MYO16: variants seen among roughly 807,000 people sequenced by gnomAD.
The protein encoded by MYO16 is unconventional myosin-XVI.
MYO16 carries 94 observed loss-of-function variants against 205.3 expected under a neutral mutation model. The ratio of observed to expected loss-of-function variants is 0.46; its 90% CI spans 0.39 to 0.54. The LOEUF (loss-of-function observed/expected upper bound fraction) is 0.54, where lower values mean the gene tolerates loss of function less well. Ranked by LOEUF, MYO16 falls within the 20% of genes least tolerant of loss-of-function variation. MYO16 has a pLI of 0.00. For synonymous variants in MYO16, 988 were observed against 954.0 expected, an observed-to-expected ratio of 1.04 and a Z score of -0.66; for missense variants, 2,315 against 2,387.5, an observed-to-expected ratio of 0.97 and a Z score of 0.63.
chr13:109,140,656 C>T lies in MYO16; in HGVS notation c.4444C>T (p.Leu1482Phe), dbSNP rs747002654. The T allele has an allele frequency of 3.3e-6, 5 of 1,497,890 alleles. 1 individual carries two copies. The highest frequency in any genetic ancestry group is 1.3e-5 in the South Asian group (1 of 78,310). 92.8% of individuals were successfully genotyped at this position (1,497,890 alleles called of 1,614,324 possible). A position where few individuals can be genotyped will look rare whatever the true frequency, so the allele number is the denominator to read the frequency against. Reference protein sequence around the residue: ...FLLHGASPPLLHRAPEDEAAG... With the variant: ...FLLHGASPPLFHRAPEDEAAG... ...GCTCCACGGCGCATCGCCGCCCCTG[C>T]TCCACCGCGCGCCGGAGGACGAGGC... The change falls in exon 32 of 35, where the codon CTC becomes TTC. Residue 1482 changes from leucine to phenylalanine, a missense_variant. By Grantham distance (22) the Leu-to-Phe change is conservative (BLOSUM62 0). Coordinates refer to ENST00000457511, the MANE Select transcript of MYO16 (RefSeq NM_001198950.3). The surrounding 1 kb of genome is among the most constrained non-coding windows in gnomAD (Gnocchi z 8.0).
chr13:108,728,476 C>A (rs139045707), intron 4 of MYO16, among the ~76,000 whole-genome samples: 2 of 152,136 alleles, frequency 1.3e-5, no homozygotes, highest in African/African-American at 2.4e-5. Flanking sequence ...AGCACCCTTG[C>A]GGAGGTTAGG....
intron 4 of MYO16, among the ~76,000 whole-genome samples, chr13:108,740,014 G>C (rs548646191): frequency 6.6e-6 from 1 of 152,232 alleles, no homozygotes; most frequent in East Asian, 1.9e-4. Context: ...TCTGTACACT[G>C]GTTATTCTAG....
intron 15 of MYO16, among the ~76,000 whole-genome samples, chr13:108,899,193 G>A (rs1347494741): frequency 1.3e-5 from 2 of 152,156 alleles, no homozygotes; most frequent in Non-Finnish European, 2.9e-5. Context: ...GGAGGCCGAG[G>A]CGGGTGGATT....
chr13:108,714,318 G>C (rs939833941), intron 3 of MYO16, among the ~76,000 whole-genome samples: 1 of 152,188 alleles, frequency 6.6e-6, no homozygotes, highest in Non-Finnish European at 1.5e-5. Context: ...GCCTCCCGAA[G>C]TGCTGGGATT....
At chr13:109,023,795 A>G (rs899448176) in intron 23 of MYO16, among the ~76,000 whole-genome samples, 13 of 134,522 alleles carry the variant, frequency 9.7e-5, no homozygotes, top group African/African-American at 3.5e-4. Flanking sequence ...TGCATATTCT[A>G]CATTTATATA....
At chr13:109,137,728 A>C (rs1876847480) in intron 31 of MYO16, among the ~76,000 whole-genome samples, 1 of 152,050 alleles carries the variant, frequency 6.6e-6, no homozygotes, top group Non-Finnish European at 1.5e-5. Flanking sequence ...TTGAGAACTG[A>C]GCGAAGCACT....
intron 9 of MYO16, among the ~76,000 whole-genome samples, chr13:108,823,573 T>G (rs911151987): frequency 3.3e-5 from 5 of 152,142 alleles, no homozygotes; most frequent in Non-Finnish European, 5.9e-5. Context: ...ATAGTGAAGT[T>G]TCCAGTGATT....
rs146580302 is a variant in MYO16, at chr13:109,204,598, G to A, written c.5416-2011G>A. Among the ~76,000 whole-genome samples, 482 of 152,282 alleles carry A rather than the reference G, an allele frequency of 3.2e-3. 4 individuals carry two copies. Among genetic ancestry groups the A allele is most frequent in the Non-Finnish European group, 5.2e-3 (357 of 68,022 alleles). On this transcript the variant is annotated intron_variant, in intron 34 of 34. Transcript: ENST00000457511. Reference sequence around the variant, plus strand: ...TCAGATCCTAGACCACAATAGTTGGGTTAAGCACAGTAGACTCACAGCTAA... The same window carrying A: ...TCAGATCCTAGACCACAATAGTTGGATTAAGCACAGTAGACTCACAGCTAA...
chr13:108,870,779 T>C (rs1403454021), intron 12 of MYO16, among the ~76,000 whole-genome samples: 1 of 152,040 alleles, frequency 6.6e-6, no homozygotes. Flanking sequence ...TCTTTCTAAT[T>C]TATTTGGGTA....
chr13:108,987,675 C>T (rs1346550700), intron 20 of MYO16, among the ~76,000 whole-genome samples: 1 of 152,148 alleles, frequency 6.6e-6, no homozygotes, highest in Non-Finnish European at 1.5e-5. Context: ...ATTCTTGCCC[C>T]ATCTGGGGTC....
chr13:108,724,723 A>T (rs1289578252), intron 3 of MYO16, among the ~76,000 whole-genome samples: 1 of 152,138 alleles, frequency 6.6e-6, no homozygotes, highest in Non-Finnish European at 1.5e-5. Flanking sequence ...TTCAGGTGGC[A>T]TCCTACCCAT....
At position 109,165,005 on chromosome 13, in the gene MYO16, T is replaced by C; in HGVS notation, c.5269T>C (p.Ser1757Pro). ...TGCAAATAACCATGGAATTCAGTTA[T>C]CTAATTCACTATCTAGTGCTATAAC... Reference protein sequence around the residue: ...RNANNHGIQLSNSLSSAITAE... With the variant: ...RNANNHGIQLPNSLSSAITAE... Residue 1757 changes from serine to proline, a missense_variant, in exon 33 of 35, where the codon TCT (serine) becomes CCT (proline). Ser to Pro is a moderately conservative substitution (Grantham distance 74). Coordinates refer to ENST00000457511, the MANE Select transcript of MYO16 (RefSeq NM_001198950.3). The C allele has an allele frequency of 6.2e-7, 1 of 1,603,376 alleles. No homozygotes were observed. Among genetic ancestry groups the C allele is most frequent in the South Asian group, 1.1e-5 (1 of 89,262 alleles).
chr13:108,775,646 G>C (rs567235433), intron 4 of MYO16, among the ~76,000 whole-genome samples: 2 of 152,224 alleles, frequency 1.3e-5, no homozygotes, highest in South Asian at 2.1e-4. Context: ...ATGAAGTCTT[G>C]CTTTGCAACT....
intron 1 of MYO16, among the ~76,000 whole-genome samples, chr13:108,608,402 C>T (rs907001837): frequency 3.9e-5 from 6 of 152,158 alleles, no homozygotes; most frequent in Non-Finnish European, 5.9e-5. Flanking sequence ...AATGCTGATT[C>T]ATCATGCACA....
intron 4 of MYO16, 25 bp from the exon 5 acceptor site, chr13:108,785,610 G>T (rs1476354665): frequency 7.1e-7 from 1 of 1,418,242 alleles, no homozygotes; most frequent in Non-Finnish European, 9.7e-7. Flanking sequence ...TATATATGAT[G>T]TTATATTTTT....
chr13:109,026,227 A>C (rs1886356470), intron 23 of MYO16, among the ~76,000 whole-genome samples: 1 of 152,122 alleles, frequency 6.6e-6, no homozygotes, highest in Admixed American at 6.6e-5. Flanking sequence ...ATTTGGAAAA[A>C]GGGTCTTCAT....
At chr13:109,158,734 A>AT (rs1224396080) in intron 32 of MYO16, among the ~76,000 whole-genome samples, 1 of 152,246 alleles carries the variant, frequency 6.6e-6, no homozygotes, top group Non-Finnish European at 1.5e-5. Flanking sequence ...TTTTTTAAAA[A>AT]AATAATAATA....
chr13:109,145,334 T>C (rs34603532), intron 32 of MYO16, among the ~76,000 whole-genome samples: 26,222 of 151,284 alleles, frequency 0.17, 2,358 homozygotes, highest in East Asian at 0.27. Flanking sequence ...TAGCTACCTA[T>C]GCAATGCTGC....
chr13:109,122,103 C>T (rs891265784), intron 29 of MYO16, among the ~76,000 whole-genome samples: 13 of 152,214 alleles, frequency 8.5e-5, no homozygotes, highest in African/African-American at 3.1e-4. Context: ...CACAGCAATG[C>T]CTCAGGCCCC....
Sources: gnomAD v4.1 joint callset for allele counts (sites outside exome capture counted in the v4.1 genomes callset) on GRCh38, gnomAD v4.1.1 for gene constraint, Gnocchi (gnomAD v3.1) non-coding constraint, MANE v1.5 for transcripts, NCBI Gene and HGNC (gene_info 2026-07-23, HGNC 2026-07-21) for gene names.